Variants in HIBADH observed in about 807,000 individuals in gnomAD.
HIBADH encodes 3-hydroxyisobutyrate dehydrogenase, also known as 3-hydroxyisobutyrate dehydrogenase, mitochondrial.
Under a neutral mutation model 36.1 loss-of-function variants are expected in HIBADH, and 25 were observed. The observed-to-expected ratio is 0.69, with a 90% CI of 0.50 to 0.97. The LOEUF (loss-of-function observed/expected upper bound fraction) is 0.97. Ranked by LOEUF, HIBADH falls within the 50% of genes least tolerant of loss-of-function variation. HIBADH has a pLI of 0.00. For missense variants in HIBADH, 421 were observed against 418.0 expected, an observed-to-expected ratio of 1.01 and a Z score of -0.06; for synonymous variants, 160 against 149.5, an observed-to-expected ratio of 1.07 and a Z score of -0.51.
chr7:27,623,153 A>C (rs1387147671), intron 4 of HIBADH, among the ~76,000 whole-genome samples: 1 of 152,184 alleles, frequency 6.6e-6, no homozygotes, highest in African/African-American at 2.4e-5. Flanking sequence ...AAGGACAAAA[A>C]CCGTATGATC....
intron 4 of HIBADH, among the ~76,000 whole-genome samples, chr7:27,613,813 C>T (rs1785378541): frequency 6.6e-6 from 1 of 152,000 alleles, no homozygotes; most frequent in African/African-American, 2.4e-5. Flanking sequence ...TACACGCCAC[C>T]ATGCCCGGCT....
chr7:27,554,167 G>A (rs1310094943), intron 4 of HIBADH, among the ~76,000 whole-genome samples: 1 of 152,134 alleles, frequency 6.6e-6, no homozygotes, highest in Admixed American at 6.5e-5. Context: ...TGTATTTTTA[G>A]TAGAGACAGG....
chr7:27,602,565 A>C (rs937751525), intron 4 of HIBADH, among the ~76,000 whole-genome samples: 3 of 152,144 alleles, frequency 2.0e-5, no homozygotes, highest in Admixed American at 6.6e-5. Context: ...AAGAAATACA[A>C]GTTTCCTTAG....
intron 4 of HIBADH, among the ~76,000 whole-genome samples, chr7:27,569,264 T>C (rs1385090298): frequency 4.6e-5 from 7 of 152,232 alleles, no homozygotes; most frequent in Non-Finnish European, 1.0e-4. Context: ...AACAGCTGTT[T>C]TAAAATCACT....
At chr7:27,531,373 T>TGTTAAGTGTCAAAATGTACACGCAC (rs1442283115) in intron 6 of HIBADH, 25 bp from the exon 7 acceptor site, 1 of 1,589,358 alleles carries the variant, frequency 6.3e-7, no homozygotes, top group Non-Finnish European at 8.6e-7. Context: ...AGAAAAGAAG[T>TGTTAAGTGTCAAAATGTACACGCAC]GTTAAGTGTC....
intron 5 of HIBADH, 30 bp from the exon 6 acceptor site, chr7:27,538,447 T>A (rs942430830): frequency 6.3e-7 from 1 of 1,588,670 alleles, no homozygotes; most frequent in South Asian, 1.1e-5. Flanking sequence ...ATATTAAATA[T>A]CTGTATTTTC....
intron 1 of HIBADH, among the ~76,000 whole-genome samples, chr7:27,650,938 A>C (rs1786180147): frequency 6.6e-6 from 1 of 152,172 alleles, no homozygotes; most frequent in African/African-American, 2.4e-5. Flanking sequence ...ACTATGACAG[A>C]GCTCAGAGAC....
At chr7:27,532,041 T>G (rs964050655) in intron 6 of HIBADH, among the ~76,000 whole-genome samples, 2 of 152,194 alleles carry the variant, frequency 1.3e-5, no homozygotes, top group African/African-American at 4.8e-5. Context: ...GGTCAACTGC[T>G]GATAAGGTTA....
chr7:27,612,615 G>T (rs1463935302), intron 4 of HIBADH, among the ~76,000 whole-genome samples: 1 of 150,102 alleles, frequency 6.7e-6, no homozygotes, highest in Admixed American at 6.6e-5. Context: ...GAGCCACCGC[G>T]CCCAGCCTGT....
intron 4 of HIBADH, among the ~76,000 whole-genome samples, chr7:27,599,277 A>AT (rs1199184942): frequency 6.6e-6 from 1 of 152,202 alleles, no homozygotes; most frequent in African/African-American, 2.4e-5. Flanking sequence ...ATGAAAGAAC[A>AT]TTTTTTAAAG....
chr7:27,583,035 T>C (rs1784816080), intron 4 of HIBADH, among the ~76,000 whole-genome samples: 2 of 152,112 alleles, frequency 1.3e-5, no homozygotes, highest in East Asian at 1.9e-4. Context: ...ATAAGCTACC[T>C]TACCTATCTT....
At chr7:27,559,373 G>A (rs1784434622) in intron 4 of HIBADH, among the ~76,000 whole-genome samples, 1 of 152,138 alleles carries the variant, frequency 6.6e-6, no homozygotes, top group African/African-American at 2.4e-5. Context: ...TATAATGTCA[G>A]CATTTTATGA....
chr7:27,607,563 T>G (rs1406109010), intron 4 of HIBADH, among the ~76,000 whole-genome samples: 1 of 152,186 alleles, frequency 6.6e-6, no homozygotes, highest in Admixed American at 6.5e-5. Flanking sequence ...AAGTCAGAAT[T>G]ATGTCGCTGC....
At chr7:27,581,811 A>T (rs533111877) in intron 4 of HIBADH, among the ~76,000 whole-genome samples, 2 of 152,080 alleles carry the variant, frequency 1.3e-5, no homozygotes, top group African/African-American at 2.4e-5. Context: ...TTCTCATTTT[A>T]AAAAAATGAG....
chr7:27,533,359 G>C (rs768754546), intron 6 of HIBADH, among the ~76,000 whole-genome samples: 1 of 151,962 alleles, frequency 6.6e-6, no homozygotes, highest in African/African-American at 2.4e-5. Context: ...GCATCCTGAG[G>C]GGCACACACA....
rs1786046631 is a variant in HIBADH, at chr7:27,645,373, T to TTTTTTG, written c.252+4099_252+4100insCAAAAA. Among the ~76,000 whole-genome samples the TTTTTTG allele has an allele frequency of 4.1e-5, 5 of 120,964 alleles. 1 individual carries two copies. Among genetic ancestry groups the TTTTTTG allele is most frequent in the African/African-American group, 1.7e-4 (5 of 29,162 alleles). The allele number at this position is 120,964 out of a possible 152,430, so 79.4% of individuals were successfully genotyped here. On this transcript the variant is annotated intron_variant, in intron 2 of 7. Transcript: ENST00000265395. ...GGGTGTGTCTCATGGTTTTGATTTT[T>TTTTTTG]TTTTTTTTTTTTTTTTTTTTTTGAG...
intron 4 of HIBADH, among the ~76,000 whole-genome samples, chr7:27,600,564 A>G (rs970651395): frequency 1.3e-5 from 2 of 152,264 alleles, no homozygotes; most frequent in African/African-American, 2.4e-5. Flanking sequence ...GGGTCAGAAT[A>G]TATTTTCAAA....
At chr7:27,577,164 CTCTT>C (rs1784723013) in intron 4 of HIBADH, among the ~76,000 whole-genome samples, 1 of 143,886 alleles carries the variant, frequency 6.9e-6, no homozygotes, top group African/African-American at 2.6e-5. Context: ...CATCATTTCT[CTCTT>C]TTTTTTTTTT....
chr7:27,605,416 C>T (rs1785201562), intron 4 of HIBADH, among the ~76,000 whole-genome samples: 1 of 148,426 alleles, frequency 6.7e-6, no homozygotes, highest in African/African-American at 2.5e-5. Flanking sequence ...GAGGTTTCTC[C>T]CTCTTTTTAA....
Sources: gnomAD v4.1 joint callset for allele counts (sites outside exome capture counted in the v4.1 genomes callset) on GRCh38, gnomAD v4.1.1 for gene constraint, MANE v1.5 for transcripts, NCBI Gene and HGNC (gene_info 2026-07-23, HGNC 2026-07-21) for gene names.